The following DHRSX variants were observed in gnomAD, a reference collection of about 807,000 sequenced individuals.
DHRSX encodes the protein dehydrogenase/reductase X-linked.
DHRSX carries 31 observed loss-of-function variants against 34.0 expected under a neutral mutation model. The observed-to-expected ratio is 0.91, with a 90% CI of 0.69 to 1.23. DHRSX has a LOEUF of 1.23. Ranked by LOEUF, DHRSX falls within the 50% of genes most tolerant of loss-of-function variation. The pLI is 0.00. For missense variants in DHRSX, 414 were observed against 428.1 expected (o/e 0.97, Z 0.29); for synonymous variants, 201 against 183.8 (o/e 1.09, Z -0.76).
intron 3 of DHRSX, among the ~76,000 whole-genome samples, chrX:2,358,483 G>A (rs992538447): frequency 6.6e-6 from 1 of 152,064 alleles, no homozygotes; most frequent in East Asian, 1.9e-4. Flanking sequence ...GGATCACAAG[G>A]TCAGGAGATC....
At position 2,295,481 on chromosome X, in the gene DHRSX, G is replaced by A. The variant is rs184797129; in HGVS notation, c.287-3878C>T. The stretch of plus-strand genomic sequence containing the variant: ...AGGACAAATACCTAATGTAGATGAC[G>A]GGTCGATGGGTGCAGCAAACCACCA... On this transcript the variant is annotated intron_variant, in intron 3 of 6. Coordinates refer to ENST00000334651, the MANE Select transcript of DHRSX (RefSeq NM_145177.3). 4.6e-3 allele frequency among the ~76,000 whole-genome samples: 694 copies of A among 152,274 alleles called. 7 individuals are homozygous for A. The highest frequency in any genetic ancestry group is 0.016 in the African/African-American group (671 of 41,548).
chrX:2,308,516 C>T (rs762023547), intron 3 of DHRSX, among the ~76,000 whole-genome samples: 7 of 152,156 alleles, frequency 4.6e-5, no homozygotes, highest in South Asian at 2.1e-4. Context: ...AAGTCTAAAA[C>T]GTTAATGGAA....
At chrX:2,499,204 C>G (rs1346138168) in intron 1 of DHRSX, among the ~76,000 whole-genome samples, 4 of 152,084 alleles carry the variant, frequency 2.6e-5, no homozygotes, top group African/African-American at 9.7e-5. Context: ...GGCTGACTCC[C>G]AGTCTCCCAG....
chrX:2,431,113 C>CAGG lies in DHRSX; in HGVS notation c.110-5812_110-5810dup, dbSNP rs200107123. On this transcript the variant is annotated intron_variant, in intron 1 of 6. Transcript: ENST00000334651. ...GGCCGAGGCGGGTGGATCACGAGGT[C>CAGG]AGGAGATCGACACCATCCTGGCTAA... is the stretch of plus-strand genomic sequence containing the variant. Among the ~76,000 whole-genome samples, 387 of 152,006 alleles carry CAGG rather than the reference C, an allele frequency of 2.5e-3. 2 individuals carry two copies. Among genetic ancestry groups the CAGG allele is most frequent in the African/African-American group, 8.6e-3 (356 of 41,440 alleles).
At chrX:2,227,527 A>AAGAAAGGAGGGAGGAAGAAAAAAGGG (rs2015701743) in intron 6 of DHRSX, among the ~76,000 whole-genome samples, 4 of 137,422 alleles carry the variant, frequency 2.9e-5, no homozygotes, top group Admixed American at 1.5e-4. Context: ...GGAAGCAGAG[A>AAGAAAGGAGGGAGGAAGAAAAAAGGG]AGAAAGGAGG....
intron 1 of DHRSX, among the ~76,000 whole-genome samples, chrX:2,458,498 G>T (rs1375967286): frequency 1.3e-5 from 2 of 152,142 alleles, no homozygotes; most frequent in Non-Finnish European, 2.9e-5. Context: ...ATGGTATGCA[G>T]CCATGAAAAA....
At chrX:2,396,015 C>T (rs2043404853) in intron 3 of DHRSX, among the ~76,000 whole-genome samples, 1 of 152,112 alleles carries the variant, frequency 6.6e-6, no homozygotes, top group African/African-American at 2.4e-5. Flanking sequence ...TGTCTCAGGA[C>T]CATGCTCCCT....
intron 1 of DHRSX, chrX:2,490,367 T>C: frequency 1.2e-6 from 2 of 1,613,530 alleles, no homozygotes; most frequent in Non-Finnish European, 8.5e-7. Flanking sequence ...CTTGCTGTCG[T>C]AGCCGTGGCC....
At chrX:2,323,769 G>GA (rs1373504875) in intron 3 of DHRSX, among the ~76,000 whole-genome samples, 1 of 151,792 alleles carries the variant, frequency 6.6e-6, no homozygotes, top group Non-Finnish European at 1.5e-5. Context: ...ATCCGGTCTC[G>GA]AAAAAATCAT....
At chrX:2,479,943 A>G (rs1244125655) in intron 1 of DHRSX, among the ~76,000 whole-genome samples, 6 of 152,202 alleles carry the variant, frequency 3.9e-5, no homozygotes, top group South Asian at 2.1e-4. Context: ...GACGTTCACT[A>G]AAGTCCAGAA....
At chrX:2,340,501 A>G (rs1287053249) in intron 3 of DHRSX, among the ~76,000 whole-genome samples, 11 of 151,730 alleles carry the variant, frequency 7.2e-5, no homozygotes, top group Non-Finnish European at 1.5e-4. Context: ...ACAATGTCCA[A>G]TGTTCTGGAG....
intron 3 of DHRSX, among the ~76,000 whole-genome samples, chrX:2,331,448 T>TG (rs1216080552): frequency 7.5e-5 from 10 of 134,100 alleles, no homozygotes; most frequent in African/African-American, 2.6e-4. Context: ...TTTTTTTTTT[T>TG]TTTTTTTTTT....
chrX:2,264,770 C>A (rs1350261368), intron 5 of DHRSX, among the ~76,000 whole-genome samples: 4 of 151,866 alleles, frequency 2.6e-5, no homozygotes, highest in African/African-American at 9.7e-5. Flanking sequence ...GCCCAGAGCA[C>A]CTGTGCTCAG....
At chrX:2,253,071 A>G (rs922460842) in intron 5 of DHRSX, among the ~76,000 whole-genome samples, 4 of 152,280 alleles carry the variant, frequency 2.6e-5, no homozygotes, top group Non-Finnish European at 5.9e-5. Flanking sequence ...CTGTAGTCCC[A>G]GCTAATTGTG....
At chrX:2,283,642 G>C (rs1481304491) in intron 4 of DHRSX, among the ~76,000 whole-genome samples, 3 of 152,128 alleles carry the variant, frequency 2.0e-5, no homozygotes, top group Admixed American at 6.5e-5. Context: ...TGTTGATGCA[G>C]AACTGCACAC....
intron 3 of DHRSX, among the ~76,000 whole-genome samples, chrX:2,402,199 T>C (rs1361721118): frequency 6.6e-6 from 1 of 152,108 alleles, no homozygotes; most frequent in Non-Finnish European, 1.5e-5. Flanking sequence ...TAAAAATAAA[T>C]CCACATGGCT....
At chrX:2,306,375 T>C (rs1054791019) in intron 3 of DHRSX, among the ~76,000 whole-genome samples, 4 of 151,954 alleles carry the variant, frequency 2.6e-5, no homozygotes, top group Non-Finnish European at 4.4e-5. Flanking sequence ...TGCTAGAACT[T>C]GAACTTCACC....
rs67396748 is a variant in DHRSX, at chrX:2,450,150, CAATAAATA to C, written c.110-24854_110-24847del. Among the ~76,000 whole-genome samples the C allele has an allele frequency of 2.5e-4, 38 of 150,630 alleles. No individual in the cohort carries two copies. In the East Asian group the frequency reaches 4.3e-3, roughly 17 times the overall value. The stretch of plus-strand genomic sequence containing the variant: ...CTCAAAAAAAAAAGGAAAAAAGTAC[CAATAAATA>C]AATAAATAAATAAAACACAGTAGAG... On this transcript the variant is annotated intron_variant, in intron 1 of 6. Coordinates refer to ENST00000334651, the MANE Select transcript of DHRSX (RefSeq NM_145177.3).
At chrX:2,224,167 T>C (rs970082277) in intron 6 of DHRSX, among the ~76,000 whole-genome samples, 2 of 152,352 alleles carry the variant, frequency 1.3e-5, no homozygotes, top group Middle Eastern at 3.4e-3. Context: ...ATTCAGGGGC[T>C]CATGCCCCAA....
Sources: allele counts gnomAD v4.1 joint callset (sites outside exome capture counted in the v4.1 genomes callset), GRCh38; gene constraint gnomAD v4.1.1; transcripts MANE v1.5; gene names NCBI Gene and HGNC (gene_info 2026-07-23, HGNC 2026-07-21).